Variants in WDFY2 observed in about 807,000 individuals in gnomAD.
The protein encoded by WDFY2 is WD repeat and FYVE domain containing 2.
In WDFY2, 36 loss-of-function variants were observed where a neutral mutation model predicts 56.4. The ratio of observed to expected loss-of-function variants is 0.64; its 90% CI spans 0.49 to 0.84. The LOEUF (loss-of-function observed/expected upper bound fraction) is 0.84, where lower values mean the gene tolerates loss of function less well. WDFY2 is among the 40% of genes least tolerant of loss of function. The probability of loss-of-function intolerance (pLI) is 0.00; values close to 1 mark genes in which losing one functional copy is unlikely to be tolerated. For missense variants in WDFY2, 444 were observed against 512.2 expected (o/e 0.87, Z 1.29); for synonymous variants, 176 against 183.7 (o/e 0.96, Z 0.34).
intron 1 of WDFY2, among the ~76,000 whole-genome samples, chr13:51,609,248 C>T (rs1352142167): frequency 6.6e-6 from 1 of 152,198 alleles, no homozygotes; most frequent in Non-Finnish European, 1.5e-5. Flanking sequence ...TGTATACCCT[C>T]TACTGATCAC....
chr13:51,756,016 C>T (rs1273368589), intron 9 of WDFY2, among the ~76,000 whole-genome samples: 1 of 151,452 alleles, frequency 6.6e-6, no homozygotes, highest in East Asian at 2.0e-4. Flanking sequence ...TCTCAGACAC[C>T]CCGCTTTAAG....
At chr13:51,632,558 C>T (rs1378679128) in intron 1 of WDFY2, among the ~76,000 whole-genome samples, 1 of 152,112 alleles carries the variant, frequency 6.6e-6, no homozygotes, top group African/African-American at 2.4e-5. Flanking sequence ...ATGCAGGAGC[C>T]AGTCTGCATT....
chr13:51,606,630 A>G (rs888079102), intron 1 of WDFY2, among the ~76,000 whole-genome samples: 1 of 152,196 alleles, frequency 6.6e-6, no homozygotes, highest in African/African-American at 2.4e-5. Context: ...CAACATGCCT[A>G]TACATGCAAT....
chr13:51,699,665 A>G (rs989594672), intron 3 of WDFY2, among the ~76,000 whole-genome samples: 2 of 152,166 alleles, frequency 1.3e-5, no homozygotes, highest in African/African-American at 4.8e-5. Context: ...GCAAAAATTG[A>G]AAAGATGAAT....
At chr13:51,646,022 A>G (rs956029007) in intron 1 of WDFY2, among the ~76,000 whole-genome samples, 1 of 152,106 alleles carries the variant, frequency 6.6e-6, no homozygotes, top group Non-Finnish European at 1.5e-5. Flanking sequence ...GCCAGCCCCC[A>G]AGTCCTGATG....
At chr13:51,677,555 A>C (rs923144243) in intron 3 of WDFY2, among the ~76,000 whole-genome samples, 1 of 152,240 alleles carries the variant, frequency 6.6e-6, no homozygotes, top group Admixed American at 6.5e-5. Flanking sequence ...TTTAAGAAGA[A>C]ATAGTGGTTA....
rs752539488 is a variant in WDFY2 at position 51,727,759 on chromosome 13, C to T, written c.567C>T (p.Cys189=). The change falls in exon 6 of 12, where the codon TGC becomes TGT. Residue 189 remains cysteine, a synonymous_variant. Coordinates refer to ENST00000298125, the MANE Select transcript of WDFY2 (RefSeq NM_052950.4). ...VTILKLEQEN[C]TLVTTFRGHT... is the part of the protein sequence containing the mutation. The stretch of plus-strand genomic sequence containing the variant: ...TCCTCAAACTGGAGCAAGAAAACTG[C>T]ACCCTGGTCACAACATTCAGAGGAC... 3.7e-6 allele frequency: 6 copies of T among 1,614,166 alleles called. No homozygotes were observed. The highest frequency in any genetic ancestry group is 3.3e-5 in the Admixed American group (2 of 60,006).
intron 4 of WDFY2, among the ~76,000 whole-genome samples, chr13:51,706,208 G>A (rs1055537975): frequency 6.6e-5 from 10 of 152,264 alleles, no homozygotes; most frequent in South Asian, 4.1e-4. Context: ...GTGACACTTC[G>A]TGTTGTTTTT....
At chr13:51,628,538 C>T (rs1270629368) in intron 1 of WDFY2, among the ~76,000 whole-genome samples, 1 of 152,134 alleles carries the variant, frequency 6.6e-6, no homozygotes, top group African/African-American at 2.4e-5. Context: ...CCCATCCCAC[C>T]AACTCGGTAG....
chr13:51,626,783 A>G (rs1954841861), intron 1 of WDFY2, among the ~76,000 whole-genome samples: 1 of 152,238 alleles, frequency 6.6e-6, no homozygotes, highest in Non-Finnish European at 1.5e-5. Context: ...AAGTCACGGG[A>G]TCCTTGGGGT....
At chr13:51,689,034 G>T (rs1055656430) in intron 3 of WDFY2, among the ~76,000 whole-genome samples, 5 of 152,204 alleles carry the variant, frequency 3.3e-5, no homozygotes, top group African/African-American at 1.2e-4. Flanking sequence ...TTGGCCATGA[G>T]CAGGATATTC....
chr13:51,739,912 C>T (rs1277863469), intron 7 of WDFY2, among the ~76,000 whole-genome samples: 1 of 152,190 alleles, frequency 6.6e-6, no homozygotes, highest in African/African-American at 2.4e-5. Flanking sequence ...AAAGCTTAAT[C>T]TTTTTGCATA....
chr13:51,737,551 TAAAAAAAAAAAAAAAAAAAA>T (rs67418551), intron 6 of WDFY2, among the ~76,000 whole-genome samples: 3 of 53,248 alleles, frequency 5.6e-5, no homozygotes, highest in African/African-American at 9.2e-5. Flanking sequence ...ACAATGAATT[TAAAAAAAAAAAAAAAAAAAA>T]AAAAAAAAAA....
intron 7 of WDFY2, among the ~76,000 whole-genome samples, chr13:51,745,118 A>G (rs1953064403): frequency 6.6e-6 from 1 of 152,232 alleles, no homozygotes; most frequent in South Asian, 2.1e-4. Flanking sequence ...ATGTGTATCA[A>G]GATGGCTCAA....
At chr13:51,740,574 C>T (rs181785595) in intron 7 of WDFY2, among the ~76,000 whole-genome samples, 1 of 152,170 alleles carries the variant, frequency 6.6e-6, no homozygotes, top group East Asian at 1.9e-4. Flanking sequence ...AGTAGCCGAG[C>T]ATAGTGGCGC....
intron 5 of WDFY2, among the ~76,000 whole-genome samples, chr13:51,723,425 T>A (rs181648872): frequency 1.3e-5 from 2 of 152,268 alleles, no homozygotes; most frequent in East Asian, 3.9e-4. Context: ...GGTTGTCACG[T>A]CTTCTAAATC....
intron 2 of WDFY2, among the ~76,000 whole-genome samples, chr13:51,672,275 A>G (rs942937286): frequency 1.3e-5 from 2 of 152,110 alleles, no homozygotes; most frequent in African/African-American, 2.4e-5. Context: ...TGGCTTGCCA[A>G]TTATCCCAGC....
intron 6 of WDFY2, among the ~76,000 whole-genome samples, chr13:51,732,011 C>T (rs1952733737): frequency 6.6e-6 from 1 of 152,208 alleles, no homozygotes; most frequent in South Asian, 2.1e-4. Context: ...TGTTCTTATG[C>T]TCCCTCTACT....
intron 1 of WDFY2, among the ~76,000 whole-genome samples, chr13:51,602,804 A>T (rs1295704898): frequency 1.3e-5 from 2 of 152,238 alleles, no homozygotes; most frequent in Non-Finnish European, 2.9e-5. Flanking sequence ...GCCTTTGGTT[A>T]GGGGAAATCC....
Sources: allele counts gnomAD v4.1 joint callset (sites outside exome capture counted in the v4.1 genomes callset), GRCh38; gene constraint gnomAD v4.1.1; transcripts MANE v1.5; gene names NCBI Gene and HGNC (gene_info 2026-07-23, HGNC 2026-07-21).